The following FAR1 variants were observed in gnomAD, a reference collection of about 807,000 sequenced individuals.
The protein encoded by FAR1 is male sterility domain-containing protein 2.
Under a neutral mutation model 61.1 loss-of-function variants are expected in FAR1, and 22 were observed. That is an observed-to-expected ratio of 0.36 (90% CI 0.26 to 0.51). The LOEUF (loss-of-function observed/expected upper bound fraction) is 0.51. FAR1 is among the 20% of genes least tolerant of loss of function. FAR1 has a pLI of 0.95. For synonymous variants in FAR1, 206 were observed against 209.7 expected, an observed-to-expected ratio of 0.98 and a Z score of 0.15; for missense variants, 359 against 626.9, an observed-to-expected ratio of 0.57 and a Z score of 4.56.
chr11:13,732,292 C>T lies in FAR1; in HGVS notation c.*3518C>T, dbSNP rs539477204. 20 of 152,042 alleles carry T rather than the reference C, an allele frequency of 1.3e-4. No homozygotes were observed. Among genetic ancestry groups the T allele is most frequent in the African/African-American group, 3.4e-4 (14 of 41,486 alleles). The allele number at this position is 152,042 out of a possible 1,614,324, so 9.4% of individuals were successfully genotyped here. ...CATCTTTGTCAGTTAAGTATAGTTG[C>T]GCAAAAATTGTTAAATCCTTTGTCT... On this transcript the variant is annotated 3_prime_UTR_variant, in exon 12 of 12. Coordinates refer to ENST00000354817, the MANE Select transcript of FAR1 (RefSeq NM_032228.6).
chr11:13,708,433 G>A (rs1440003636), intron 4 of FAR1, among the ~76,000 whole-genome samples: 12 of 93,682 alleles, frequency 1.3e-4, no homozygotes, highest in Non-Finnish European at 2.1e-4. Flanking sequence ...CCATATACAT[G>A]TGCGCGCGCG....
At chr11:13,676,445 G>A (rs1488738852) in intron 1 of FAR1, among the ~76,000 whole-genome samples, 1 of 152,054 alleles carries the variant, frequency 6.6e-6, no homozygotes, top group Admixed American at 6.5e-5. Context: ...TAAGATCTGT[G>A]GAGGAAAGGA....
chr11:13,682,536 T>C (rs1848139549), intron 1 of FAR1, among the ~76,000 whole-genome samples: 1 of 152,234 alleles, frequency 6.6e-6, no homozygotes, highest in South Asian at 2.1e-4. Context: ...TACTTGTTAC[T>C]TGGCCCTTTA....
At chr11:13,709,080 TATATA>T (rs1489978974) in intron 4 of FAR1, among the ~76,000 whole-genome samples, 1 of 152,202 alleles carries the variant, frequency 6.6e-6, no homozygotes, top group African/African-American at 2.4e-5. Context: ...TGTTAATCCT[TATATA>T]ATATCTTTGA....
In FAR1 at chr11:13,713,206, T is replaced by C. The variant is rs1848518583; in HGVS notation, c.955+173T>C. ...AATACTACCTTGTGGTCCTTAATAATGTTTCACAAATTTAAAAATATACTG... is the reference window on the plus strand; with the variant it reads ...AATACTACCTTGTGGTCCTTAATAACGTTTCACAAATTTAAAAATATACTG... On this transcript the variant is annotated intron_variant, in intron 8 of 11. Transcript: ENST00000354817. 3 of 619,322 alleles carry C rather than the reference T, an allele frequency of 4.8e-6. No individual in the cohort carries two copies. In the Admixed American group the frequency reaches 8.0e-5, roughly 17 times the overall value. 38.4% of individuals were successfully genotyped at this position (619,322 alleles called of 1,614,324 possible).
intron 10 of FAR1, among the ~76,000 whole-genome samples, chr11:13,723,117 A>G (rs927433105): frequency 3.3e-5 from 5 of 152,022 alleles, no homozygotes; most frequent in East Asian, 1.9e-4. Context: ...CTGTATCCCA[A>G]TACTTTGGAG....
At chr11:13,712,562 AAAAG>A (rs1848511757) in intron 7 of FAR1, among the ~76,000 whole-genome samples, 1 of 152,058 alleles carries the variant, frequency 6.6e-6, no homozygotes, top group African/African-American at 2.4e-5. Context: ...CTGTCCTAAA[AAAAG>A]AGAGATAGGA....
intron 5 of FAR1, among the ~76,000 whole-genome samples, chr11:13,711,363 AT>A (rs143260444): frequency 0.014 from 2,202 of 152,034 alleles, 21 homozygotes; most frequent in Non-Finnish European, 0.024. Flanking sequence ...CAATTATTCT[AT>A]TTTTCTCTGT....
intron 1 of FAR1, chr11:13,669,800 A>G (rs1371991944): frequency 6.6e-6 from 1 of 152,192 alleles, no homozygotes; most frequent in African/African-American, 2.4e-5. Flanking sequence ...CAGCAGCACA[A>G]GAACTCACTC....
intron 8 of FAR1, 109 bp downstream of exon 8, chr11:13,713,142 A>T (rs1848517975): frequency 2.2e-6 from 2 of 902,842 alleles, no homozygotes; most frequent in African/African-American, 3.3e-5. Flanking sequence ...CTGAGTTACC[A>T]ATTTGTTCTT....
chr11:13,672,127 A>T (rs1591251130), intron 1 of FAR1, among the ~76,000 whole-genome samples: 1 of 152,270 alleles, frequency 6.6e-6, no homozygotes, highest in South Asian at 2.1e-4. Context: ...TGAAGATATT[A>T]ATGTTTGGGC....
intron 10 of FAR1, among the ~76,000 whole-genome samples, chr11:13,726,676 T>G (rs189478567): frequency 6.6e-6 from 1 of 151,948 alleles, no homozygotes; most frequent in African/African-American, 2.4e-5. Context: ...ACTTGGTTTC[T>G]TATTTTTGGA....
At chr11:13,670,291 T>G (rs1276218153) in intron 1 of FAR1, 1 of 152,180 alleles carries the variant, frequency 6.6e-6, no homozygotes, top group Non-Finnish European at 1.5e-5. Context: ...GTTTTGTTTT[T>G]ATTTTATAAA....
At chr11:13,671,810 T>C (rs1045669827) in intron 1 of FAR1, among the ~76,000 whole-genome samples, 7 of 152,180 alleles carry the variant, frequency 4.6e-5, no homozygotes, top group Admixed American at 1.3e-4. Context: ...GAGCATCTGC[T>C]TGATGCCAGG....
At chr11:13,678,874 T>A (rs1267192014) in intron 1 of FAR1, among the ~76,000 whole-genome samples, 1 of 152,128 alleles carries the variant, frequency 6.6e-6, no homozygotes, top group African/African-American at 2.4e-5. Flanking sequence ...GGTTCAGGCT[T>A]GAGAACAAGA....
At chr11:13,687,162 C>A (rs1848196098) in intron 1 of FAR1, among the ~76,000 whole-genome samples, 1 of 152,064 alleles carries the variant, frequency 6.6e-6, no homozygotes, top group Non-Finnish European at 1.5e-5. Flanking sequence ...TGTAAGTAAG[C>A]CTAAGTGAAT....
At chr11:13,680,034 A>G (rs1412743541) in intron 1 of FAR1, among the ~76,000 whole-genome samples, 2 of 152,346 alleles carry the variant, frequency 1.3e-5, no homozygotes, top group South Asian at 2.1e-4. Context: ...ATCTACTTCA[A>G]TGGGTACTTA....
intron 3 of FAR1, among the ~76,000 whole-genome samples, chr11:13,706,677 A>G (rs1848436802): frequency 6.6e-6 from 1 of 152,146 alleles, no homozygotes; most frequent in South Asian, 2.1e-4. Context: ...ATATATTGAT[A>G]TTAACTATAG....
Position 13,694,744 on chromosome 11 carries a change from C to T in FAR1, c.-7-15C>T, listed in dbSNP as rs200113117. 3.1e-6 allele frequency: 5 copies of T among 1,590,090 alleles called. No individual in the cohort carries two copies. The African/African-American group carries it at 6.7e-5, about 21-fold the overall frequency. ...GAATCCTTAAACTAATGCTTATTTGCCATGTTTTTCTTAGGATCAAAATGG... is the reference window on the plus strand; with the variant it reads ...GAATCCTTAAACTAATGCTTATTTGTCATGTTTTTCTTAGGATCAAAATGG... On this transcript the variant is annotated splice_polypyrimidine_tract_variant and intron_variant, in intron 1 of 11. Transcript: ENST00000354817.
Sources: allele counts gnomAD v4.1 joint callset (sites outside exome capture counted in the v4.1 genomes callset), GRCh38; gene constraint gnomAD v4.1.1; transcripts MANE v1.5; gene names NCBI Gene and HGNC (gene_info 2026-07-23, HGNC 2026-07-21).